CARF: variants seen among roughly 807,000 people sequenced by gnomAD.
CARF encodes calcium-responsive transcription factor.
Under a neutral mutation model 82.0 loss-of-function variants are expected in CARF, and 57 were observed. That is an observed-to-expected ratio of 0.70 (90% CI 0.56 to 0.87). The LOEUF (loss-of-function observed/expected upper bound fraction) is 0.87. Among genes scored for constraint, CARF ranks in the 40% least tolerant of loss-of-function variants. The pLI, the probability that CARF is intolerant of heterozygous loss-of-function variation, is 0.00. For synonymous variants in CARF, 268 were observed against 290.1 expected (o/e 0.92, Z 0.77); for missense variants, 771 against 855.8 (o/e 0.90, Z 1.24).
chr2:202,945,391 G>C (rs1003407570), intron 5 of CARF, among the ~76,000 whole-genome samples: 1 of 152,070 alleles, frequency 6.6e-6, no homozygotes, highest in Non-Finnish European at 1.5e-5. Context: ...CACTCAGATT[G>C]TACAAGTTAT....
At chr2:202,979,327 A>C (rs2060153391) in intron 14 of CARF, among the ~76,000 whole-genome samples, 1 of 152,138 alleles carries the variant, frequency 6.6e-6, no homozygotes, top group Non-Finnish European at 1.5e-5. Flanking sequence ...TGAACTTGAG[A>C]TTTTAGAGGT....
chr2:202,984,516 T>C lies in CARF; in HGVS notation c.*892T>C, dbSNP rs2060373337. ...GGATTTTTTCCCCCTTATTTTGTAATGAAGATCCAGCACTGGTTAAAAAAT... is the reference window on the plus strand; with the variant it reads ...GGATTTTTTCCCCCTTATTTTGTAACGAAGATCCAGCACTGGTTAAAAAAT... On this transcript the variant is annotated 3_prime_UTR_variant, in exon 17 of 17. Transcript: ENST00000438828. 1 of 152,182 alleles carries C rather than the reference T, an allele frequency of 6.6e-6. No individual in the cohort carries two copies. The highest frequency in any genetic ancestry group is 1.5e-5 in the Non-Finnish European group (1 of 68,024). The allele number at this position is 152,182 out of a possible 1,614,324, so 9.4% of individuals were successfully genotyped here. A position where few individuals can be genotyped will look rare whatever the true frequency, so the allele number is the denominator to read the frequency against.
chr2:202,916,348 C>T (rs11695155), intron 1 of CARF, among the ~76,000 whole-genome samples: 134,141 of 151,936 alleles, frequency 0.88, 59,966 homozygotes, highest in Non-Finnish European at 0.95. Flanking sequence ...ACCTAGCTAA[C>T]TTTTTTGTAT....
At chr2:202,982,476 A>C in intron 16 of CARF, 35 bp downstream of exon 16, 1 of 1,608,040 alleles carries the variant, frequency 6.2e-7, no homozygotes, top group Non-Finnish European at 8.5e-7. Context: ...TTATTGTTGT[A>C]ACCTTTGTGG....
intron 3 of CARF, among the ~76,000 whole-genome samples, chr2:202,927,787 C>G (rs1044181553): frequency 7.3e-5 from 11 of 151,392 alleles, no homozygotes; most frequent in Admixed American, 2.6e-4. Context: ...ACTTATTCCT[C>G]CTATCTAGCT....
intron 8 of CARF, among the ~76,000 whole-genome samples, chr2:202,956,294 C>T (rs1018459916): frequency 3.9e-5 from 6 of 152,034 alleles, no homozygotes; most frequent in Admixed American, 6.6e-5. Context: ...CTCCCTCTGT[C>T]CCCCAGGCTG....
Position 202,961,721 on chromosome 2 carries a change from T to C in CARF, c.832+295T>C, listed in dbSNP as rs2059330032. 5 of 447,836 alleles carry C rather than the reference T, an allele frequency of 1.1e-5. No homozygotes were observed. In the South Asian group the frequency reaches 1.2e-4, roughly 11 times the overall value. The allele number at this position is 447,836 out of a possible 1,614,324, so 27.7% of individuals were successfully genotyped here. A position where few individuals can be genotyped will look rare whatever the true frequency, so the allele number is the denominator to read the frequency against. Reference sequence around the variant, plus strand: ...ATAAAATGTTAAAAGAGCAATTTTATTTTAAATATGTACATCAGCTGTGTT... The same window carrying C: ...ATAAAATGTTAAAAGAGCAATTTTACTTTAAATATGTACATCAGCTGTGTT... On this transcript the variant is annotated intron_variant, in intron 9 of 16. Coordinates refer to ENST00000438828, the MANE Select transcript of CARF (RefSeq NM_024744.17).
rs576655426 is a variant in CARF at position 202,954,888 on chromosome 2, C to T, written c.557+754C>T. 1.7e-3 allele frequency among the ~76,000 whole-genome samples: 252 copies of T among 151,558 alleles called. 1 individual carries two copies. The highest frequency in any genetic ancestry group is 5.5e-3 in the African/African-American group (228 of 41,332). On this transcript the variant is annotated intron_variant, in intron 7 of 16. Coordinates refer to ENST00000438828, the MANE Select transcript of CARF (RefSeq NM_024744.17). ...AATTAGCCGGGCGTGGTGGCCGGCGCCTGTAGTCCCAGCCACTTGGGAGGC... is the reference window on the plus strand; with the variant it reads ...AATTAGCCGGGCGTGGTGGCCGGCGTCTGTAGTCCCAGCCACTTGGGAGGC...
intron 8 of CARF, among the ~76,000 whole-genome samples, chr2:202,960,744 G>A (rs970826623): frequency 2.0e-5 from 3 of 146,872 alleles, no homozygotes; most frequent in East Asian, 4.0e-4. Context: ...CCGCCTTCCC[G>A]CCTTCCTGCC....
At chr2:202,958,239 A>G (rs941162958) in intron 8 of CARF, among the ~76,000 whole-genome samples, 3 of 78,594 alleles carry the variant, frequency 3.8e-5, no homozygotes, top group Admixed American at 2.6e-4. Context: ...ACATGTATGT[A>G]TATACATATA....
intron 11 of CARF, among the ~76,000 whole-genome samples, chr2:202,971,205 T>C (rs1374543785): frequency 6.6e-6 from 1 of 152,164 alleles, no homozygotes; most frequent in Non-Finnish European, 1.5e-5. Flanking sequence ...AAATTTAAAA[T>C]GCCATTTTCA....
intron 3 of CARF, among the ~76,000 whole-genome samples, chr2:202,939,318 G>A (rs1354804995): frequency 1.3e-5 from 2 of 152,084 alleles, no homozygotes; most frequent in Non-Finnish European, 2.9e-5. Flanking sequence ...AACCTATGAT[G>A]GCGATGGCAT....
intron 3 of CARF, among the ~76,000 whole-genome samples, chr2:202,927,985 G>T (rs1358408332): frequency 6.6e-6 from 1 of 151,886 alleles, no homozygotes; most frequent in African/African-American, 2.4e-5. Flanking sequence ...TACTATATTT[G>T]GTAGAGATGG....
chr2:202,970,220 C>T (rs890049679), intron 11 of CARF, among the ~76,000 whole-genome samples, 158 bp downstream of exon 11: 2 of 152,008 alleles, frequency 1.3e-5, no homozygotes, highest in Non-Finnish European at 2.9e-5. Context: ...ATTGATTTGC[C>T]ACTGTGTAAG....
chr2:202,965,871 T>C (rs2059527868), intron 9 of CARF, among the ~76,000 whole-genome samples: 2 of 152,224 alleles, frequency 1.3e-5, no homozygotes, highest in African/African-American at 4.8e-5. Context: ...CCAAACGTAG[T>C]GGCTGAAAAC....
rs774821788 is a variant in CARF, at chr2:202,942,919, G to A, written c.258G>A (p.Gln86=). 1 of 1,614,062 alleles carries A rather than the reference G, an allele frequency of 6.2e-7. No homozygotes were observed. Among genetic ancestry groups the A allele is most frequent in the East Asian group, 2.2e-5 (1 of 44,872 alleles). The change falls in exon 5 of 17, where the codon CAG becomes CAA. Residue 86 remains glutamine, a synonymous_variant. Transcript: ENST00000438828. Reference sequence around the variant, plus strand: ...TCCATCTAGTGGACCAAAATGGGCAGGCTATTCAATATGAACTTCAGTCAT... The same window carrying A: ...TCCATCTAGTGGACCAAAATGGGCAAGCTATTCAATATGAACTTCAGTCAT... ...EQFHLVDQNG[Q]AIQYELQSLG...
At chr2:202,962,509 A>T (rs1328251256) in intron 9 of CARF, 1 of 152,150 alleles carries the variant, frequency 6.6e-6, no homozygotes, top group East Asian at 1.9e-4. Flanking sequence ...AAAAATTAAC[A>T]AATAATAAAA....
At chr2:202,937,832 C>G (rs1389073200) in intron 3 of CARF, among the ~76,000 whole-genome samples, 2 of 151,784 alleles carry the variant, frequency 1.3e-5, no homozygotes, top group Admixed American at 6.6e-5. Context: ...ACCATGTTGG[C>G]TAGGCTGGTC....
intron 5 of CARF, among the ~76,000 whole-genome samples, chr2:202,950,254 A>G (rs566257913): frequency 6.6e-6 from 1 of 152,342 alleles, no homozygotes; most frequent in Non-Finnish European, 1.5e-5. Context: ...CTTGGGAAAC[A>G]TAGTTTCAAA....
Sources: allele counts gnomAD v4.1 joint callset (sites outside exome capture counted in the v4.1 genomes callset), GRCh38; gene constraint gnomAD v4.1.1; transcripts MANE v1.5; gene names NCBI Gene and HGNC (gene_info 2026-07-23, HGNC 2026-07-21).